MYH14: variants seen among roughly 807,000 people sequenced by gnomAD.
MYH14 encodes the protein myosin-14.
A neutral mutation model predicts 255.5 loss-of-function variants in MYH14; 123 were observed. The ratio of observed to expected loss-of-function variants is 0.48; its 90% CI spans 0.42 to 0.56. The LOEUF is 0.56. Ranked by LOEUF, MYH14 falls within the 20% of genes least tolerant of loss-of-function variation. The probability of loss-of-function intolerance (pLI) is 0.00; values close to 1 mark genes in which losing one functional copy is unlikely to be tolerated. For missense variants in MYH14, 2,423 were observed against 2,802.3 expected (o/e 0.86, Z 3.06); for synonymous variants, 1,095 against 1,161.2 (o/e 0.94, Z 1.16).
chr19:50,205,037 T>C (rs561104412), intron 1 of MYH14, among the ~76,000 whole-genome samples: 5 of 152,248 alleles, frequency 3.3e-5, no homozygotes, highest in African/African-American at 1.2e-4. Flanking sequence ...CAGAATACCA[T>C]TGTCCTCTTC....
Position 50,309,885 on chromosome 19 carries a change from C to T in MYH14, c.*95C>T, listed in dbSNP as rs1169353101. 2.3e-6 allele frequency: 3 copies of T among 1,316,254 alleles called. No homozygotes were observed. Among genetic ancestry groups the T allele is most frequent in the Non-Finnish European group, 2.1e-6 (2 of 933,666 alleles). The allele number at this position is 1,316,254 out of a possible 1,614,324, so 81.5% of individuals were successfully genotyped here. On this transcript the variant is annotated 3_prime_UTR_variant, in exon 43 of 43. Transcript: ENST00000642316. Reference sequence around the variant, plus strand: ...CTGTCCCAGGAACCCCGCCCTCTGACTTCTTGCCCTTTGGAAATGGTGCAG... The same window carrying T: ...CTGTCCCAGGAACCCCGCCCTCTGATTTCTTGCCCTTTGGAAATGGTGCAG...
In MYH14 at chr19:50,309,663, C is replaced by G; in HGVS notation, c.5984C>G (p.Thr1995Ser). Residue 1995 changes from threonine to serine, a missense_variant, in exon 43 of 43, where the codon ACC becomes AGC. Transcript: ENST00000642316. ...AGACGCGGCCCCCTCACCTTCACCA[C>G]CCGCACGGTGCGCCAGGTCTTCCGA... The part of the protein sequence containing the change: ...RLRRGPLTFT[T>S]RTVRQVFRLE... The G allele has an allele frequency of 6.2e-7, 1 of 1,611,104 alleles. No homozygotes were observed. The highest frequency in any genetic ancestry group is 1.1e-5 in the South Asian group (1 of 90,270).
At position 50,309,835 on chromosome 19, in the gene MYH14, C is replaced by T. The variant is rs1478194377; in HGVS notation, c.*45C>T. 1 of 1,546,328 alleles carries T rather than the reference C, an allele frequency of 6.5e-7. No individual in the cohort carries two copies. Among genetic ancestry groups the T allele is most frequent in the Admixed American group, 2.0e-5 (1 of 51,196 alleles). On this transcript the variant is annotated 3_prime_UTR_variant, in exon 43 of 43. Coordinates refer to ENST00000642316, the MANE Select transcript of MYH14 (RefSeq NM_001145809.2). Reference sequence around the variant, plus strand: ...GCACTAACAGATGGGGCCCAGCCCCCTTCCTCCCTGGACCCCACGGGCCCC... The same window carrying T: ...GCACTAACAGATGGGGCCCAGCCCCTTTCCTCCCTGGACCCCACGGGCCCC...
Position 50,267,911 on chromosome 19 carries a change from G to T in MYH14, c.2827-250G>T, listed in dbSNP as rs1051801418. ...GAGAGGAGGGGCCAGAGAGAGCAGGGGTGCAGACTGATGGCTGTGAGAGGT... is the reference window on the plus strand; with the variant it reads ...GAGAGGAGGGGCCAGAGAGAGCAGGTGTGCAGACTGATGGCTGTGAGAGGT... On this transcript the variant is annotated intron_variant, in intron 23 of 42. Coordinates refer to ENST00000642316, the MANE Select transcript of MYH14 (RefSeq NM_001145809.2). Among the ~76,000 whole-genome samples the T allele has an allele frequency of 6.6e-5, 10 of 152,122 alleles. No homozygotes were observed. The East Asian group carries it at 1.7e-3, about 27-fold the overall frequency.
At position 50,230,345 on chromosome 19, in the gene MYH14, T is replaced by A. The variant is rs1032047062; in HGVS notation, c.875-180T>A. On this transcript the variant is annotated intron_variant, in intron 8 of 42. Transcript: ENST00000642316. This position sits in a 1 kb window ranked among gnomAD's most constrained non-coding sequence, Gnocchi z 4.7. ...GATGAGGAAACTGAGGCACAAGTGC[T>A]TAAGTGACATGAGCACGGCTGCTCT... Among the ~76,000 whole-genome samples the A allele has an allele frequency of 6.6e-6, 1 of 152,158 alleles. No homozygotes were observed. Among genetic ancestry groups the A allele is most frequent in the African/African-American group, 2.4e-5 (1 of 41,418 alleles).
chr19:50,272,392 A>G (rs2035334980), intron 26 of MYH14, among the ~76,000 whole-genome samples, 168 bp from the exon 27 acceptor site: 1 of 152,070 alleles, frequency 6.6e-6, no homozygotes, highest in Non-Finnish European at 1.5e-5. Flanking sequence ...CTAGGACAAC[A>G]TTGTGGGAAG....
At chr19:50,243,902 C>T (rs80170196) in intron 10 of MYH14, among the ~76,000 whole-genome samples, 9,754 of 152,056 alleles carry the variant, frequency 0.064, 475 homozygotes, top group Admixed American at 0.12. Context: ...GGGCAAGCCT[C>T]AGATATAATA....
At position 50,225,660 on chromosome 19, in the gene MYH14, G is replaced by A; in HGVS notation, c.793G>A (p.Asp265Asn). The change falls in exon 7 of 43, where the codon GAC (aspartate) becomes AAC (asparagine). Residue 265 changes from aspartate to asparagine, a missense_variant. This residue lies in a region of MYH14 where 672 missense variants were observed against 881.8 expected (regional missense o/e 0.76). Coordinates refer to ENST00000642316, the MANE Select transcript of MYH14 (RefSeq NM_001145809.2). ...AFGNAKTVKN[D>N]NSSRFGKFIR... The stretch of plus-strand genomic sequence containing the variant: ...TGGCAATGCCAAGACAGTGAAGAAT[G>A]ACAACTCCTCCCGATTCGTGAGTGC... 1.9e-6 allele frequency: 3 copies of A among 1,613,864 alleles called. No individual in the cohort carries two copies. Among genetic ancestry groups the A allele is most frequent in the East Asian group, 2.2e-5 (1 of 44,872 alleles).
chr19:50,275,291 A>G (rs1485373527), intron 27 of MYH14, among the ~76,000 whole-genome samples: 2 of 152,186 alleles, frequency 1.3e-5, no homozygotes, highest in African/African-American at 2.4e-5. Context: ...CGCTGTGTGA[A>G]GGGACAGGAA....
intron 26 of MYH14, among the ~76,000 whole-genome samples, chr19:50,272,338 A>T (rs143411635): frequency 7.6e-4 from 116 of 152,066 alleles, no homozygotes; most frequent in Non-Finnish European, 1.5e-3. Flanking sequence ...CAGAGGGTGG[A>T]GGCATGGGCT....
rs536429018 is a variant in MYH14 at position 50,271,618 on chromosome 19, C to T, written c.3171+72C>T. The T allele has an allele frequency of 1.7e-5, 26 of 1,549,440 alleles. No individual in the cohort carries two copies. The East Asian group carries it at 2.4e-4, about 14-fold the overall frequency. ...GTGGGTTAATGAATGGTGAACTTCA[C>T]GCCATGGGGGTTACCACACTGCGGT... On this transcript the variant is annotated intron_variant, in intron 25 of 42. Transcript: ENST00000642316.
At chr19:50,264,087 T>TA (rs34326325) in intron 22 of MYH14, among the ~76,000 whole-genome samples, 1,201 of 108,660 alleles carry the variant, frequency 0.011, 12 homozygotes, top group Non-Finnish European at 0.017. Context: ...GAGCAAAGGT[T>TA]AAAAAAAAAA....
rs60921087 is a variant in MYH14 at position 50,231,730 on chromosome 19, A to AG, written c.974-200_974-199insG. The stretch of plus-strand genomic sequence containing the variant: ...CCTGTCTCTAAAAAATTAAAAAAAA[A>AG]AAATAGAGACAGAGTGGTGGTCTCA... On this transcript the variant is annotated intron_variant, in intron 9 of 42. Transcript: ENST00000642316. Among the ~76,000 whole-genome samples, 8,573 of 77,818 alleles carry AG rather than the reference A, an allele frequency of 0.11. 656 individuals are homozygous for AG. Among genetic ancestry groups the AG allele is most frequent in the African/African-American group, 0.26 (6,839 of 25,818 alleles). 51.1% of individuals were successfully genotyped at this position (77,818 alleles called of 152,430 possible).
intron 34 of MYH14, among the ~76,000 whole-genome samples, chr19:50,287,759 A>T (rs918940280): frequency 6.6e-6 from 1 of 152,220 alleles, no homozygotes; most frequent in Admixed American, 6.5e-5. Context: ...ATGTACACAT[A>T]CAGCATGAGA....
At chr19:50,301,578 T>A (rs1460162246) in intron 39 of MYH14, 83 bp from the exon 40 acceptor site, 1 of 1,017,364 alleles carries the variant, frequency 9.8e-7, no homozygotes, top group Non-Finnish European at 1.5e-6. Context: ...TCAGTGCACT[T>A]AATTCTCAGA....
chr19:50,224,102 C>A, intron 5 of MYH14, 52 bp from the exon 6 acceptor site: 1 of 1,516,270 alleles, frequency 6.6e-7, no homozygotes, highest in Non-Finnish European at 9.1e-7. Context: ...TGTCTGTCCA[C>A]GTTCCATGTG....
At chr19:50,288,159 C>A (rs905085244) in intron 34 of MYH14, among the ~76,000 whole-genome samples, 2 of 152,216 alleles carry the variant, frequency 1.3e-5, no homozygotes, top group African/African-American at 4.8e-5. Context: ...GGATCACACC[C>A]AGGGACACAG....
chr19:50,288,693 C>T (rs112675334), intron 34 of MYH14, among the ~76,000 whole-genome samples: 80 of 152,282 alleles, frequency 5.3e-4, no homozygotes, highest in African/African-American at 1.8e-3. Flanking sequence ...ACTCACAGTT[C>T]AGTGCGGGAG....
chr19:50,251,457 CTATATATATATACA>C (rs1568500042), intron 15 of MYH14, among the ~76,000 whole-genome samples: 1 of 138,976 alleles, frequency 7.2e-6, no homozygotes, highest in Non-Finnish European at 1.5e-5. Context: ...GGTTCTATTC[CTATATATATATACA>C]CATATATATA....
Sources: allele counts gnomAD v4.1 joint callset (sites outside exome capture counted in the v4.1 genomes callset), GRCh38; gene constraint gnomAD v4.1.1; regional missense constraint gnomAD v4.1.1; non-coding constraint Gnocchi (gnomAD v3.1); transcripts MANE v1.5; gene names NCBI Gene and HGNC (gene_info 2026-07-23, HGNC 2026-07-21).